Variants in USH2A observed in about 807,000 individuals in gnomAD.
The protein encoded by USH2A is usherin.
A neutral mutation model predicts 538.9 loss-of-function variants in USH2A; 443 were observed. The observed-to-expected ratio is 0.82, with a 90% CI of 0.76 to 0.89. USH2A has a LOEUF of 0.89. Among genes scored for constraint, USH2A ranks in the 40% least tolerant of loss-of-function variants. The pLI, the probability that USH2A is intolerant of heterozygous loss-of-function variation, is 0.00. For missense variants in USH2A, 6,633 were observed against 6,324.8 expected, an observed-to-expected ratio of 1.05 and a Z score of -1.65; for synonymous variants, 2,413 against 2,273.5, an observed-to-expected ratio of 1.06 and a Z score of -1.75.
chr1:215,989,905 A>G (rs572995680), intron 35 of USH2A, among the ~76,000 whole-genome samples: 30 of 152,248 alleles, frequency 2.0e-4, no homozygotes, highest in African/African-American at 6.7e-4. Flanking sequence ...TTTTGATGAT[A>G]ACCGAGGCAG....
intron 67 of USH2A, among the ~76,000 whole-genome samples, chr1:215,646,962 C>G (rs1250657392): frequency 6.6e-6 from 1 of 152,198 alleles, no homozygotes; most frequent in Non-Finnish European, 1.5e-5. Context: ...ACATGTAGGT[C>G]TGTGCAAGTA....
intron 61 of USH2A, among the ~76,000 whole-genome samples, chr1:215,726,237 C>A (rs769563973): frequency 3.3e-5 from 5 of 152,110 alleles, no homozygotes; most frequent in Non-Finnish European, 7.4e-5. Flanking sequence ...TCCTGGATCA[C>A]ATATCCACTA....
rs186325657 is a variant in USH2A at position 216,178,161 on chromosome 1, T to C, written c.4397-2679A>G. ...TTCATTTTGGTTCTATTTTAACTTT[T>C]AGTAAAAAAGAAAAGGCACTGAGCA... On this transcript the variant is annotated intron_variant, in intron 20 of 71. Coordinates refer to ENST00000307340, the MANE Select transcript of USH2A (RefSeq NM_206933.4). Among the ~76,000 whole-genome samples, 9 of 152,296 alleles carry C rather than the reference T, an allele frequency of 5.9e-5. No individual in the cohort carries two copies. The East Asian group carries it at 9.7e-4, about 16-fold the overall frequency.
At chr1:216,050,587 T>TC (rs370105461) in intron 30 of USH2A, among the ~76,000 whole-genome samples, 6 of 36,584 alleles carry the variant, frequency 1.6e-4, no homozygotes, top group Non-Finnish European at 3.4e-4. Flanking sequence ...TTTCTTTCTT[T>TC]CTTTCTTTCT....
At chr1:216,120,333 G>A (rs922537301) in intron 21 of USH2A, among the ~76,000 whole-genome samples, 1 of 150,486 alleles carries the variant, frequency 6.6e-6, no homozygotes, top group African/African-American at 2.4e-5. Flanking sequence ...TCAGGAGATT[G>A]AGGCCAGCCT....
At chr1:216,290,982 A>T (rs955081409) in intron 10 of USH2A, among the ~76,000 whole-genome samples, 1 of 152,094 alleles carries the variant, frequency 6.6e-6, no homozygotes, top group African/African-American at 2.4e-5. Flanking sequence ...GTATTCTGAC[A>T]TTATTTCTCA....
At chr1:215,988,096 T>C (rs1667915062) in intron 35 of USH2A, among the ~76,000 whole-genome samples, 1 of 152,146 alleles carries the variant, frequency 6.6e-6, no homozygotes, top group African/African-American at 2.4e-5. Context: ...CATTGTGTTA[T>C]CTACATACAC....
chr1:216,300,989 A>G (rs934746163), intron 9 of USH2A, among the ~76,000 whole-genome samples: 2 of 152,010 alleles, frequency 1.3e-5, no homozygotes, highest in African/African-American at 2.4e-5. Context: ...ACTTCAAGTG[A>G]TCCGCCCACC....
chr1:215,838,825 G>A (rs934693564), intron 46 of USH2A, among the ~76,000 whole-genome samples: 2 of 152,116 alleles, frequency 1.3e-5, no homozygotes, highest in African/African-American at 2.4e-5. Flanking sequence ...TCTGCAAAGC[G>A]ATATCATTCT....
chr1:216,229,911 T>C (rs1029021433), intron 14 of USH2A, among the ~76,000 whole-genome samples: 2 of 152,004 alleles, frequency 1.3e-5, no homozygotes, highest in African/African-American at 4.8e-5. Flanking sequence ...AAGAACATTG[T>C]AGGGTAGAGG....
intron 56 of USH2A, among the ~76,000 whole-genome samples, chr1:215,764,561 T>G (rs1336585190): frequency 1.3e-5 from 2 of 152,172 alleles, no homozygotes; most frequent in East Asian, 1.9e-4. Flanking sequence ...GTACATTGAC[T>G]TTTTCTTAGA....
chr1:215,633,937 C>T (rs1022198106), intron 70 of USH2A, among the ~76,000 whole-genome samples: 10 of 152,274 alleles, frequency 6.6e-5, no homozygotes, highest in Admixed American at 1.3e-4. Flanking sequence ...GCCATCCATC[C>T]TCTGTGGCAC....
chr1:216,280,856 C>T (rs959794769), intron 11 of USH2A, among the ~76,000 whole-genome samples: 1 of 152,124 alleles, frequency 6.6e-6, no homozygotes, highest in African/African-American at 2.4e-5. Context: ...GGCTTCATTC[C>T]TAAGTTATTA....
intron 9 of USH2A, 25 bp from the exon 10 acceptor site, chr1:216,292,395 T>TA: frequency 1.2e-6 from 2 of 1,607,974 alleles, no homozygotes; most frequent in Non-Finnish European, 1.7e-6. Context: ...ATCAGAACAG[T>TA]AAAGAAAATA....
Position 216,385,406 on chromosome 1 carries a change from T to C in USH2A, c.652-20321A>G, listed in dbSNP as rs76817844. On this transcript the variant is annotated intron_variant, in intron 3 of 71. Coordinates refer to ENST00000307340, the MANE Select transcript of USH2A (RefSeq NM_206933.4). The stretch of plus-strand genomic sequence containing the variant: ...CTACTATAGAATAAAAACATTGTCC[T>C]GATGTGGATGATGAAAGTAAAGAAA... Among the ~76,000 whole-genome samples, 752 of 152,240 alleles carry C rather than the reference T, an allele frequency of 4.9e-3. 4 individuals carry two copies. Among genetic ancestry groups the C allele is most frequent in the African/African-American group, 0.017 (721 of 41,530 alleles).
At chr1:216,122,042 CA>C (rs2033148241) in intron 21 of USH2A, among the ~76,000 whole-genome samples, 1 of 152,090 alleles carries the variant, frequency 6.6e-6, no homozygotes, top group Non-Finnish European at 1.5e-5. Flanking sequence ...ACCGCAAACA[CA>C]AAAATCATAA....
chr1:215,935,478 C>T (rs965418025), intron 37 of USH2A, among the ~76,000 whole-genome samples: 1 of 151,936 alleles, frequency 6.6e-6, no homozygotes, highest in Non-Finnish European at 1.5e-5. Flanking sequence ...AGCTGCCTAG[C>T]TATATAAAAG....
At chr1:215,761,757 T>A (rs756590096) in intron 56 of USH2A, among the ~76,000 whole-genome samples, 1 of 152,146 alleles carries the variant, frequency 6.6e-6, no homozygotes, top group African/African-American at 2.4e-5. Flanking sequence ...CTTATAGATG[T>A]ACAAATCCAT....
chr1:215,903,138 G>C (rs1018361985), intron 38 of USH2A, among the ~76,000 whole-genome samples: 3 of 152,052 alleles, frequency 2.0e-5, no homozygotes, highest in Admixed American at 2.0e-4. Flanking sequence ...AAGAAAGAAG[G>C]CACATGAAAA....
Sources: gnomAD v4.1 joint callset for allele counts (sites outside exome capture counted in the v4.1 genomes callset) on GRCh38, gnomAD v4.1.1 for gene constraint, MANE v1.5 for transcripts, NCBI Gene and HGNC (gene_info 2026-07-23, HGNC 2026-07-21) for gene names.